The following SEC14L1 variants were observed in gnomAD, a reference collection of about 807,000 sequenced individuals.
SEC14L1 encodes the protein SEC14 like lipid binding 1.
Under a neutral mutation model 85.3 loss-of-function variants are expected in SEC14L1, and 48 were observed. The observed-to-expected ratio is 0.56, with a 90% CI of 0.45 to 0.72. SEC14L1 has a LOEUF of 0.72. Ranked by LOEUF, SEC14L1 falls within the 30% of genes least tolerant of loss-of-function variation. The pLI is 0.00. For synonymous variants in SEC14L1, 391 were observed against 355.5 expected (o/e 1.10, Z -1.12); for missense variants, 682 against 921.4 (o/e 0.74, Z 3.36).
chr17:77,198,269 C>CA (rs1296656604), intron 8 of SEC14L1, among the ~76,000 whole-genome samples: 1 of 152,194 alleles, frequency 6.6e-6, no homozygotes, highest in Non-Finnish European at 1.5e-5. Context: ...GGTTCTGAGA[C>CA]AGTGAAGGGA....
chr17:77,103,896 G>A (rs1442864724), intron 3 of SEC14L1, among the ~76,000 whole-genome samples: 2 of 151,192 alleles, frequency 1.3e-5, no homozygotes, highest in Admixed American at 6.6e-5. Flanking sequence ...GGGTCCCAGT[G>A]CCACCTGCTT....
At chr17:77,107,352 C>G (rs533851201) in intron 3 of SEC14L1, among the ~76,000 whole-genome samples, 1 of 152,144 alleles carries the variant, frequency 6.6e-6, no homozygotes, top group African/African-American at 2.4e-5. Context: ...GGGACGATCA[C>G]TTGCCAAGGT....
chr17:77,173,517 C>T (rs1239882662), intron 3 of SEC14L1, among the ~76,000 whole-genome samples: 1 of 151,942 alleles, frequency 6.6e-6, no homozygotes, highest in Non-Finnish European at 1.5e-5. Flanking sequence ...TTCTTACTGG[C>T]TTTGAGGGGG....
intron 9 of SEC14L1, among the ~76,000 whole-genome samples, chr17:77,201,050 C>A (rs1476436888): frequency 1.3e-5 from 2 of 152,176 alleles, no homozygotes; most frequent in Non-Finnish European, 2.9e-5. Context: ...TGACTTAAAC[C>A]CTATGATAGC....
chr17:77,158,205 G>A (rs1973894577), intron 3 of SEC14L1, among the ~76,000 whole-genome samples: 1 of 152,192 alleles, frequency 6.6e-6, no homozygotes, highest in African/African-American at 2.4e-5. Flanking sequence ...ACTTTTAAGT[G>A]CAGAGTTCAG....
upstream of SEC14L1, among the ~76,000 whole-genome samples, chr17:77,139,354 T>C (rs766085686): frequency 7.9e-5 from 12 of 151,708 alleles, no homozygotes; most frequent in Non-Finnish European, 1.6e-4. Flanking sequence ...GTATTTTTAG[T>C]GGAGACGAGG....
At chr17:77,189,668 G>T (rs1054647773) in intron 3 of SEC14L1, among the ~76,000 whole-genome samples, 1 of 152,090 alleles carries the variant, frequency 6.6e-6, no homozygotes, top group African/African-American at 2.4e-5. Context: ...TCACTCTGTC[G>T]CCCAGGCTGG....
intron 5 of SEC14L1, among the ~76,000 whole-genome samples, chr17:77,192,377 A>G (rs759879676): frequency 6.6e-5 from 10 of 152,170 alleles, no homozygotes; most frequent in African/African-American, 2.4e-4. Context: ...AGTCACTTCT[A>G]TGGGCTCAAA....
chr17:77,130,313 A>G (rs1187672940), intron 3 of SEC14L1: 2 of 151,788 alleles, frequency 1.3e-5, no homozygotes, highest in Admixed American at 6.6e-5. Context: ...TAATTAATTA[A>G]TTTTTATTTA....
At chr17:77,149,231 A>G (rs986603831) in intron 3 of SEC14L1, among the ~76,000 whole-genome samples, 2 of 152,156 alleles carry the variant, frequency 1.3e-5, no homozygotes, top group Admixed American at 6.5e-5. Context: ...TGTTGCTCTC[A>G]TACTATTTTG....
At chr17:77,185,656 G>T (rs899745804) in intron 3 of SEC14L1, among the ~76,000 whole-genome samples, 1 of 151,890 alleles carries the variant, frequency 6.6e-6, no homozygotes, top group Non-Finnish European at 1.5e-5. Context: ...TCAATTTCTT[G>T]GTACGTCACA....
At chr17:77,180,244 C>T (rs907274076) in intron 3 of SEC14L1, among the ~76,000 whole-genome samples, 1 of 151,588 alleles carries the variant, frequency 6.6e-6, no homozygotes, top group African/African-American at 2.4e-5. Flanking sequence ...GCTGGGACTA[C>T]AGGCACCTGC....
At chr17:77,164,788 T>C (rs921601802) in intron 3 of SEC14L1, among the ~76,000 whole-genome samples, 5 of 152,140 alleles carry the variant, frequency 3.3e-5, no homozygotes, top group African/African-American at 9.7e-5. Context: ...CTGAAGGCCA[T>C]AGATACTGGT....
At chr17:77,100,392 TC>T (rs1230435703) in intron 3 of SEC14L1, among the ~76,000 whole-genome samples, 1 of 134,768 alleles carries the variant, frequency 7.4e-6, no homozygotes, top group Non-Finnish European at 1.6e-5. Context: ...GCTGGCTTTT[TC>T]TTTTTTTTTT....
chr17:77,149,726 C>T (rs772546939), intron 3 of SEC14L1, among the ~76,000 whole-genome samples: 12 of 152,080 alleles, frequency 7.9e-5, no homozygotes, highest in Admixed American at 7.2e-4. Flanking sequence ...TAAAATGCAT[C>T]TCTAATTCTG....
At chr17:77,117,638 G>A (rs543582990) in intron 3 of SEC14L1, among the ~76,000 whole-genome samples, 1 of 152,212 alleles carries the variant, frequency 6.6e-6, no homozygotes, top group Admixed American at 6.5e-5. Context: ...AGAAAACCCA[G>A]CCCTACTGAC....
chr17:77,141,579 C>T (rs1973047084), intron 1 of SEC14L1: 1 of 152,152 alleles, frequency 6.6e-6, no homozygotes, highest in Non-Finnish European at 1.5e-5. Context: ...CAGCGATTGT[C>T]ATGCAATGGA....
rs1975519899 is a variant in SEC14L1, at chr17:77,191,250, A to G, written c.283A>G (p.Ile95Val). The G allele has an allele frequency of 3.1e-6, 5 of 1,613,934 alleles. No homozygotes were observed. The highest frequency in any genetic ancestry group is 1.1e-5 in the South Asian group (1 of 91,082). ...SLNSRERTLH[I>V]EAYNETFSNR... is the part of the protein sequence containing the mutation. ...GAATTCTCGGGAACGTACTTTGCAC[A>G]TTGAGGCTTATAATGAAACGTTTTC... Residue 95 changes from isoleucine (I) to valine (V), a missense_variant, in exon 5 of 17, where the codon ATT becomes GTT. Transcript: ENST00000436233.
chr17:77,104,602 C>T (rs1226927252), intron 3 of SEC14L1, among the ~76,000 whole-genome samples: 36 of 149,554 alleles, frequency 2.4e-4, no homozygotes, highest in African/African-American at 8.1e-4. Flanking sequence ...CCATCCTGGC[C>T]AAGATGGTGA....
Sources: gnomAD v4.1 joint callset for allele counts (sites outside exome capture counted in the v4.1 genomes callset) on GRCh38, gnomAD v4.1.1 for gene constraint, MANE v1.5 for transcripts, NCBI Gene and HGNC (gene_info 2026-07-23, HGNC 2026-07-21) for gene names.